SRPRB: variants seen among roughly 807,000 people sequenced by gnomAD.
SRPRB encodes the protein SRP receptor subunit beta, also known as signal recognition particle receptor subunit beta.
SRPRB carries 20 observed loss-of-function variants against 31.9 expected under a neutral mutation model. The ratio of observed to expected loss-of-function variants is 0.63; its 90% CI spans 0.44 to 0.91. The LOEUF (loss-of-function observed/expected upper bound fraction) is 0.91. SRPRB is among the 40% of genes least tolerant of loss of function. The pLI, the probability that SRPRB is intolerant of heterozygous loss-of-function variation, is 0.00. For synonymous variants in SRPRB, 146 were observed against 132.8 expected, an observed-to-expected ratio of 1.10 and a Z score of -0.68; for missense variants, 321 against 324.9, an observed-to-expected ratio of 0.99 and a Z score of 0.09.
In SRPRB at chr3:133,806,673, T is replaced by A; in HGVS notation, c.219T>A (p.Cys73Ter). ...GAGCTGTTCTTCTTGTTGGCCTTTG[T>A]GATTCCGGGAAAACGTTGCTCTTTG... ...SQRAVLLVGLCDSGKTLLFVR... is the reference protein window; with the variant it reads ...SQRAVLLVGL The change falls in exon 2 of 7, where the codon TGT becomes TGA. Residue 73 changes from cysteine to a stop codon, truncating the protein, a stop_gained. Coordinates refer to ENST00000678299, the MANE Select transcript of SRPRB (RefSeq NM_001379313.1). LOFTEE classifies it high-confidence loss of function. 6.2e-7 allele frequency: 1 copy of A among 1,614,194 alleles called. No homozygotes were observed. Among genetic ancestry groups the A allele is most frequent in the Non-Finnish European group, 8.5e-7 (1 of 1,180,002 alleles).
chr3:133,784,099 AC>A, exon 1 of SRPRB: 1 of 152,440 alleles, frequency 6.6e-6, no homozygotes, highest in Middle Eastern at 3.4e-3. Flanking sequence ...GACGACACCC[AC>A]CTAGTCCCGA....
chr3:133,809,464 T>A (rs898001272), intron 3 of SRPRB, among the ~76,000 whole-genome samples: 9 of 152,348 alleles, frequency 5.9e-5, no homozygotes, highest in Middle Eastern at 3.4e-3. Context: ...GGGACATGTT[T>A]TTAAATATCT....
At chr3:133,816,789 T>C in intron 5 of SRPRB, 89 bp from the exon 6 acceptor site, 1 of 1,023,908 alleles carries the variant, frequency 9.8e-7, no homozygotes, top group Non-Finnish European at 1.4e-6. Flanking sequence ...ACTTACTGGT[T>C]TAAATAGGAA....
In SRPRB at chr3:133,806,662, G is replaced by T. The variant is rs770393975; in HGVS notation, c.208G>T (p.Val70Phe). Residue 70 changes from valine (V) to phenylalanine (F), a missense_variant, in exon 2 of 7, where the codon GTT becomes TTT. By Grantham distance (50) the Val-to-Phe change is conservative. Coordinates refer to ENST00000678299, the MANE Select transcript of SRPRB (RefSeq NM_001379313.1). ...RRSSQRAVLL[V>F]GLCDSGKTLL... ...GAGCAGTCAGAGAGCTGTTCTTCTT[G>T]TTGGCCTTTGTGATTCCGGGAAAAC... The T allele has an allele frequency of 5.6e-6, 9 of 1,614,166 alleles. No homozygotes were observed. Among genetic ancestry groups the T allele is most frequent in the Non-Finnish European group, 7.6e-6 (9 of 1,180,012 alleles).
intron 6 of SRPRB, among the ~76,000 whole-genome samples, chr3:133,817,810 G>C (rs1373175735): frequency 6.6e-6 from 1 of 152,104 alleles, no homozygotes; most frequent in Non-Finnish European, 1.5e-5. Context: ...GACTGCAGTT[G>C]GGAGCAGCTG....
intron 1 of SRPRB, chr3:133,791,160 C>G (rs1934821880): frequency 6.6e-6 from 1 of 152,014 alleles, no homozygotes; most frequent in African/African-American, 2.4e-5. Context: ...TCTGGAATTC[C>G]TAGGCTACCT....
chr3:133,815,793 C>T (rs928710502), intron 5 of SRPRB, 67 bp downstream of exon 5: 3 of 1,553,714 alleles, frequency 1.9e-6, no homozygotes, highest in Middle Eastern at 1.7e-4. Flanking sequence ...AGAATTATTT[C>T]CATTATTTAC....
chr3:133,828,484 T>C, downstream of SRPRB: 4 of 435,032 alleles, frequency 9.2e-6, no homozygotes, highest in Non-Finnish European at 1.6e-5. Flanking sequence ...CATTTTTATC[T>C]GGCAAAAAAT....
In SRPRB at chr3:133,806,671, T is replaced by G. The variant is rs773319742; in HGVS notation, c.217T>G (p.Cys73Gly). 7.4e-6 allele frequency: 12 copies of G among 1,614,200 alleles called. No homozygotes were observed. Among genetic ancestry groups the G allele is most frequent in the Non-Finnish European group, 1.0e-5 (12 of 1,180,008 alleles). The change falls in exon 2 of 7, where the codon TGT becomes GGT. Residue 73 changes from cysteine to glycine, a missense_variant. Cys to Gly is a radical substitution (Grantham distance 159). Coordinates refer to ENST00000678299, the MANE Select transcript of SRPRB (RefSeq NM_001379313.1). ...GAGAGCTGTTCTTCTTGTTGGCCTT[T>G]GTGATTCCGGGAAAACGTTGCTCTT... ...SQRAVLLVGL[C>G]DSGKTLLFVR...
chr3:133,819,294 G>C (rs1935422653), intron 6 of SRPRB, among the ~76,000 whole-genome samples: 1 of 152,146 alleles, frequency 6.6e-6, no homozygotes, highest in South Asian at 2.1e-4. Context: ...TGGGCTGAAA[G>C]AAAGTTGGTG....
intron 3 of SRPRB, among the ~76,000 whole-genome samples, chr3:133,808,729 A>G (rs1205606628): frequency 6.6e-6 from 1 of 151,678 alleles, no homozygotes; most frequent in Non-Finnish European, 1.5e-5. Context: ...TGTCTCTACT[A>G]AAAATACAAA....
chr3:133,803,671 TTC>T (rs1935095123), upstream of SRPRB, among the ~76,000 whole-genome samples: 2 of 151,740 alleles, frequency 1.3e-5, no homozygotes, highest in African/African-American at 4.8e-5. Context: ...TTTTTTTTTT[TTC>T]CTTTTTTTGG....
At chr3:133,810,947 C>T (rs1425160924) in intron 3 of SRPRB, 170 bp from the exon 4 acceptor site, 2 of 541,804 alleles carry the variant, frequency 3.7e-6, no homozygotes, top group Non-Finnish European at 6.2e-6. Flanking sequence ...TGTCTTTGGC[C>T]ACTGTTACAT....
chr3:133,806,083 G>T, intron 1 of SRPRB, 81 bp downstream of exon 1: 1 of 1,536,098 alleles, frequency 6.5e-7, no homozygotes, highest in Non-Finnish European at 8.8e-7. Context: ...GGCCGGGGAC[G>T]CGGGGCTGAG....
rs189531635 is a variant in SRPRB, at chr3:133,821,355, C to G, written c.*1589C>G. 1.3e-5 allele frequency: 2 copies of G among 152,294 alleles called. No individual in the cohort carries two copies. Among genetic ancestry groups the G allele is most frequent in the Non-Finnish European group, 2.9e-5 (2 of 68,032 alleles). 9.4% of individuals were successfully genotyped at this position (152,294 alleles called of 1,614,324 possible). ...TGGTGTTCTGAGTGTCTTTTGGACT[C>G]TTATTTCTTGCCCTTTTCCTTATTA... On this transcript the variant is annotated 3_prime_UTR_variant, in exon 7 of 7. Coordinates refer to ENST00000678299, the MANE Select transcript of SRPRB (RefSeq NM_001379313.1).
At chr3:133,787,313 C>G (rs890996402) in intron 1 of SRPRB, 3 of 152,112 alleles carry the variant, frequency 2.0e-5, no homozygotes, top group Admixed American at 1.3e-4. Flanking sequence ...TCAGCCATCT[C>G]TAAGCGTTAC....
chr3:133,804,095 CAAAAA>C (rs1205426598), upstream of SRPRB, among the ~76,000 whole-genome samples: 1 of 58,290 alleles, frequency 1.7e-5, no homozygotes, highest in Non-Finnish European at 3.3e-5. Context: ...GACTCTGTCT[CAAAAA>C]AAAAAAAAAA....
At chr3:133,804,434 G>A (rs1482988830), upstream of SRPRB, among the ~76,000 whole-genome samples, 1 of 152,148 alleles carries the variant, frequency 6.6e-6, no homozygotes, top group Admixed American at 6.5e-5. Flanking sequence ...ATTCAGGGGG[G>A]TGTAAAGGAA....
At chr3:133,807,645 T>C in intron 2 of SRPRB, 101 bp from the exon 3 acceptor site, 1 of 769,812 alleles carries the variant, frequency 1.3e-6, no homozygotes, top group East Asian at 2.7e-5. Flanking sequence ...GGAAGCAGCA[T>C]TCATTTACTT....
Sources: allele counts gnomAD v4.1 joint callset (sites outside exome capture counted in the v4.1 genomes callset), GRCh38; gene constraint gnomAD v4.1.1; transcripts MANE v1.5; gene names NCBI Gene and HGNC (gene_info 2026-07-23, HGNC 2026-07-21).